Variants in RNF38 observed in about 807,000 individuals in gnomAD.
RNF38 encodes the protein E3 ubiquitin-protein ligase RNF38.
In RNF38, 15 loss-of-function variants were observed where a neutral mutation model predicts 67.2. The ratio of observed to expected loss-of-function variants is 0.22; its 90% CI spans 0.15 to 0.34. The LOEUF (loss-of-function observed/expected upper bound fraction) is 0.34, where lower values mean the gene tolerates loss of function less well. RNF38 is among the 10% of genes least tolerant of loss of function. RNF38 has a pLI of 1.00. For synonymous variants in RNF38, 220 were observed against 218.8 expected, an observed-to-expected ratio of 1.01 and a Z score of -0.05; for missense variants, 524 against 639.9, an observed-to-expected ratio of 0.82 and a Z score of 1.95.
chr9:36,413,480 G>A (rs1425737264), intron 2 of RNF38, among the ~76,000 whole-genome samples: 1 of 152,162 alleles, frequency 6.6e-6, no homozygotes, highest in East Asian at 1.9e-4. Flanking sequence ...AGAGAAGCCA[G>A]ACACAAAAGG....
chr9:36,480,975 C>CA (rs1462830406), intron 1 of RNF38, among the ~76,000 whole-genome samples: 4 of 151,716 alleles, frequency 2.6e-5, no homozygotes, highest in Non-Finnish European at 5.9e-5. Context: ...TATTTTACCA[C>CA]AAAAGCAGAA....
chr9:36,382,117 TC>T (rs1836256714), intron 2 of RNF38, among the ~76,000 whole-genome samples: 1 of 152,216 alleles, frequency 6.6e-6, no homozygotes, highest in African/African-American at 2.4e-5. Flanking sequence ...GTTCTTTCCC[TC>T]CTCTCCTTGT....
chr9:36,444,927 T>TC (rs1839268661), intron 1 of RNF38, among the ~76,000 whole-genome samples: 1 of 150,958 alleles, frequency 6.6e-6, no homozygotes, highest in African/African-American at 2.4e-5. Context: ...CTCTTTTTTT[T>TC]TTTTTTTTTT....
chr9:36,400,283 C>T (rs990092034), upstream of RNF38: 13 of 1,310,508 alleles, frequency 9.9e-6, no homozygotes, highest in South Asian at 6.7e-5. Flanking sequence ...AGAGAGGACC[C>T]TTTCGACCGG....
At chr9:36,461,833 T>C (rs1489672934) in intron 1 of RNF38, among the ~76,000 whole-genome samples, 2 of 152,124 alleles carry the variant, frequency 1.3e-5, no homozygotes, top group Admixed American at 1.3e-4. Context: ...AGATAATAAT[T>C]TCAGTTTGGA....
chr9:36,391,612 C>CCTTT (rs1837099108), intron 1 of RNF38, among the ~76,000 whole-genome samples: 1 of 134,648 alleles, frequency 7.4e-6, no homozygotes, highest in African/African-American at 2.7e-5. Context: ...TCGTTTCCTA[C>CCTTT]TTTTTTTTTT....
intron 3 of RNF38, among the ~76,000 whole-genome samples, chr9:36,373,586 G>A (rs1263488567): frequency 1.6e-5 from 2 of 124,932 alleles, no homozygotes. Context: ...GTATTTGTTA[G>A]CCCTTTTTTT....
chr9:36,360,895 C>CA (rs1273641456), intron 4 of RNF38, among the ~76,000 whole-genome samples: 4 of 152,128 alleles, frequency 2.6e-5, no homozygotes, highest in African/African-American at 9.7e-5. Flanking sequence ...ACCATAGCCT[C>CA]AATCTCCTGG....
intron 1 of RNF38, among the ~76,000 whole-genome samples, chr9:36,485,928 T>C (rs562765776): frequency 2.0e-5 from 3 of 152,256 alleles, no homozygotes; most frequent in South Asian, 2.1e-4. Flanking sequence ...TATAAAAGTA[T>C]AGCTGTCCTT....
rs1486017602 is a variant in RNF38, at chr9:36,347,689, CACA to C, written c.1264-2739_1264-2737del. Among the ~76,000 whole-genome samples the C allele has an allele frequency of 2.0e-5, 3 of 152,176 alleles. No individual in the cohort carries two copies. In the South Asian group the frequency reaches 6.2e-4, roughly 31 times the overall value. Reference sequence around the variant, plus strand: ...CCTGCGGTATTCCTAGTCTCTGAGACACAACAATATTGAAGTTATGCCAATTAA... The same window carrying C: ...CCTGCGGTATTCCTAGTCTCTGAGACACAATATTGAAGTTATGCCAATTAA... On this transcript the variant is annotated intron_variant, in intron 9 of 11. Coordinates refer to ENST00000259605, the MANE Select transcript of RNF38 (RefSeq NM_022781.5).
chr9:36,351,814 A>G (rs1833710212), intron 8 of RNF38, among the ~76,000 whole-genome samples: 1 of 152,222 alleles, frequency 6.6e-6, no homozygotes, highest in South Asian at 2.1e-4. Context: ...CACTTCTGGG[A>G]CATATCCTTG....
chr9:36,381,408 C>G (rs1209388812), intron 2 of RNF38, among the ~76,000 whole-genome samples: 1 of 152,092 alleles, frequency 6.6e-6, no homozygotes, highest in Non-Finnish European at 1.5e-5. Context: ...TCTCCATCCC[C>G]TGCTTCTGGA....
intron 4 of RNF38, among the ~76,000 whole-genome samples, chr9:36,365,911 G>A (rs1188381202): frequency 3.3e-5 from 5 of 151,996 alleles, no homozygotes; most frequent in South Asian, 2.1e-4. Flanking sequence ...TGATCCACCC[G>A]CCTTCGGCCT....
chr9:36,365,661 A>ATTTTTT (rs1834885822), intron 4 of RNF38, among the ~76,000 whole-genome samples: 1 of 46,368 alleles, frequency 2.2e-5, no homozygotes, highest in African/African-American at 7.7e-5. Context: ...TAAGACTGAT[A>ATTTTTT]GTTTTTTTTT....
chr9:36,438,844 G>A (rs1181278480), intron 1 of RNF38, among the ~76,000 whole-genome samples: 2 of 152,146 alleles, frequency 1.3e-5, no homozygotes, highest in Non-Finnish European at 2.9e-5. Flanking sequence ...AGAGCTAGGG[G>A]CCTAGAGAAG....
chr9:36,386,527 C>T (rs1030499835), intron 2 of RNF38, among the ~76,000 whole-genome samples: 8 of 152,158 alleles, frequency 5.3e-5, no homozygotes, highest in Non-Finnish European at 1.2e-4. Context: ...AACCAGAGTG[C>T]CTCCATACTA....
In RNF38 at chr9:36,362,185, C is replaced by T. The variant is rs139714521; in HGVS notation, c.571-4243G>A. ...CAGCCTGGTCAACACAGTGAAACCC[C>T]GTCTCTACTAAAAATACAAACAATT... On this transcript the variant is annotated intron_variant, in intron 4 of 11. Transcript: ENST00000259605. Among the ~76,000 whole-genome samples the T allele has an allele frequency of 4.3e-3, 652 of 152,090 alleles. 6 individuals are homozygous for T. Among genetic ancestry groups the T allele is most frequent in the Non-Finnish European group, 4.8e-3 (323 of 67,988 alleles).
chr9:36,378,285 T>A (rs1835930762), intron 2 of RNF38, among the ~76,000 whole-genome samples: 1 of 151,212 alleles, frequency 6.6e-6, no homozygotes. Context: ...CAAGTGGTTC[T>A]CCTCCCTCAG....
chr9:36,448,998 AAATT>A, intron 1 of RNF38, among the ~76,000 whole-genome samples: 1 of 152,028 alleles, frequency 6.6e-6, no homozygotes, highest in South Asian at 2.1e-4. Flanking sequence ...CGTCTCAAAA[AAATT>A]AAAAAAGAAA....
Sources: gnomAD v4.1 joint callset for allele counts (sites outside exome capture counted in the v4.1 genomes callset) on GRCh38, gnomAD v4.1.1 for gene constraint, MANE v1.5 for transcripts, NCBI Gene and HGNC (gene_info 2026-07-23, HGNC 2026-07-21) for gene names.